Variants in C4orf51 observed in about 807,000 individuals in gnomAD.
The protein encoded by C4orf51 is uncharacterized protein C4orf51.
A neutral mutation model predicts 25.2 loss-of-function variants in C4orf51; 25 were observed. The ratio of observed to expected loss-of-function variants is 0.99; its 90% CI spans 0.72 to 1.39. The LOEUF is 1.39. Ranked by LOEUF, C4orf51 falls within the 40% of genes most tolerant of loss-of-function variation. C4orf51 has a pLI of 0.00. For missense variants in C4orf51, 252 were observed against 239.6 expected (o/e 1.05, Z -0.34); for synonymous variants, 100 against 84.5 (o/e 1.18, Z -1.01).
At chr4:145,693,130 T>C (rs1048298525) in intron 1 of C4orf51, among the ~76,000 whole-genome samples, 2 of 147,372 alleles carry the variant, frequency 1.4e-5, no homozygotes, top group Admixed American at 1.4e-4. Context: ...GGTCAGCAGA[T>C]AAACAAGTGA....
chr4:145,694,947 C>T (rs987711969), intron 1 of C4orf51, among the ~76,000 whole-genome samples: 2 of 152,114 alleles, frequency 1.3e-5, no homozygotes, highest in Admixed American at 6.5e-5. Context: ...AGAGAACAAA[C>T]AAATCACTAA....
chr4:145,743,638 A>T (rs960531277), intron 1 of C4orf51, among the ~76,000 whole-genome samples: 2 of 152,218 alleles, frequency 1.3e-5, no homozygotes, highest in African/African-American at 4.8e-5. Context: ...ATCTTCCTAA[A>T]ATGCAGATCT....
At chr4:145,698,463 A>G (rs1730214699) in intron 2 of C4orf51, among the ~76,000 whole-genome samples, 1 of 152,222 alleles carries the variant, frequency 6.6e-6, no homozygotes, top group African/African-American at 2.4e-5. Flanking sequence ...CTGATTAGCA[A>G]TTGGTTGAAA....
At chr4:145,740,113 G>T (rs1298561516) in intron 1 of C4orf51, among the ~76,000 whole-genome samples, 2 of 152,080 alleles carry the variant, frequency 1.3e-5, no homozygotes, top group Non-Finnish European at 2.9e-5. Context: ...GCATTTCTTA[G>T]AGTTGCCATC....
At chr4:145,779,297 A>G in the C4orf51 span, 1 of 1,531,806 alleles carries the variant, frequency 6.5e-7, no homozygotes, top group Admixed American at 2.1e-5. Context: ...CCTCTCTTAG[A>G]GAAACTCAGT....
At chr4:145,789,731 T>G in the C4orf51 span, among the ~76,000 whole-genome samples, 1 of 152,220 alleles carries the variant, frequency 6.6e-6, no homozygotes, top group Non-Finnish European at 1.5e-5. Context: ...TGGTTCTAAT[T>G]TATTTCACCA....
At chr4:145,775,046 C>T (rs1232377910), downstream of C4orf51, among the ~76,000 whole-genome samples, 1 of 152,166 alleles carries the variant, frequency 6.6e-6, no homozygotes, top group African/African-American at 2.4e-5. Context: ...CACTGATAAA[C>T]TCGGAGAGCA....
intron 1 of C4orf51, among the ~76,000 whole-genome samples, chr4:145,693,840 GC>G (rs1729800812): frequency 1.1e-5 from 1 of 94,414 alleles, no homozygotes; most frequent in African/African-American, 4.6e-5. Flanking sequence ...GGGCGGGGGG[GC>G]TGACCCCCCC....
chr4:145,704,920 G>A (rs1273051812), intron 2 of C4orf51, among the ~76,000 whole-genome samples: 1 of 152,202 alleles, frequency 6.6e-6, no homozygotes, highest in East Asian at 1.9e-4. Context: ...GATTACCTTG[G>A]AAGAGGCTAA....
chr4:145,697,357 C>T (rs1477834859), intron 2 of C4orf51, among the ~76,000 whole-genome samples: 3 of 152,070 alleles, frequency 2.0e-5, no homozygotes, highest in Admixed American at 2.0e-4. Flanking sequence ...CTTGGCCTCC[C>T]GGAGTTCTGG....
chr4:145,729,210 T>C lies in C4orf51; in HGVS notation c.408T>C (p.Pro136=), dbSNP rs1193032138. ...IWDFGDCFPT[P]PNYGKYCVRP... ...ATTTTGGTGATTGTTTTCCGACACC[T>C]CCAAATTATGGAAAATACTGTAAGT... Residue 136 remains proline (P), a synonymous_variant, in exon 4 of 6, where the codon CCT becomes CCC. Coordinates refer to ENST00000438731, the MANE Select transcript of C4orf51 (RefSeq NM_001080531.3). 2 of 1,607,224 alleles carry C rather than the reference T, an allele frequency of 1.2e-6. No individual in the cohort carries two copies. Among genetic ancestry groups the C allele is most frequent in the Non-Finnish European group, 1.7e-6 (2 of 1,175,376 alleles).
intron 1 of C4orf51, among the ~76,000 whole-genome samples, chr4:145,683,279 T>C (rs574398903): frequency 1.3e-5 from 2 of 152,316 alleles, no homozygotes; most frequent in South Asian, 4.1e-4. Context: ...GAGAGATTTT[T>C]CCATGTCCAT....
chr4:145,771,953 T>C (rs1736351850), downstream of C4orf51, among the ~76,000 whole-genome samples: 1 of 152,182 alleles, frequency 6.6e-6, no homozygotes, highest in Admixed American at 6.5e-5. Context: ...TCTGAAAATA[T>C]AGGGAACAGA....
the C4orf51 span, among the ~76,000 whole-genome samples, chr4:145,777,209 C>A: frequency 6.6e-6 from 1 of 152,216 alleles, no homozygotes; most frequent in Non-Finnish European, 1.5e-5. Flanking sequence ...AGGAGCCCCA[C>A]TGTCCAGATA....
intron 2 of C4orf51, 58 bp from the exon 3 acceptor site, chr4:145,726,853 A>G (rs1166318429): frequency 1.4e-6 from 2 of 1,420,792 alleles, no homozygotes; most frequent in East Asian, 4.6e-5. Context: ...TGGAAGTGTA[A>G]GGAATTTTAT....
intron 2 of C4orf51, among the ~76,000 whole-genome samples, chr4:145,707,066 C>T (rs1038307438): frequency 6.6e-6 from 1 of 152,126 alleles, no homozygotes; most frequent in African/African-American, 2.4e-5. Flanking sequence ...TCCGGCCCAC[C>T]TCGGCCTCCC....
chr4:145,780,686 G>A, the C4orf51 span, among the ~76,000 whole-genome samples: 1 of 152,334 alleles, frequency 6.6e-6, no homozygotes, highest in East Asian at 1.9e-4. Context: ...ACCAGAAAGA[G>A]AGAAGGAGAC....
chr4:145,781,265 G>T, the C4orf51 span, among the ~76,000 whole-genome samples: 1 of 131,542 alleles, frequency 7.6e-6, no homozygotes, highest in South Asian at 2.4e-4. Context: ...ACATGGGTCA[G>T]AGATAACATC....
Position 145,763,173 on chromosome 4 carries a change from A to C in C4orf51, n.167-7815A>C. On this transcript the variant is annotated intron_variant and non_coding_transcript_variant, in intron 1 of 1. Transcript: ENST00000510096. The surrounding 1 kb of genome is among the most constrained non-coding windows in gnomAD (Gnocchi z 4.6). ...TAATCTTATTTGATCTGCATTATGA[A>C]CAGGATATAGAGTACAAGCAGTTCC... 1 of 1,523,612 alleles carries C rather than the reference A, an allele frequency of 6.6e-7. No homozygotes were observed. The highest frequency in any genetic ancestry group is 2.0e-5 in the Admixed American group (1 of 50,856). 94.4% of individuals were successfully genotyped at this position (1,523,612 alleles called of 1,614,324 possible).
Sources: gnomAD v4.1 joint callset for allele counts (sites outside exome capture counted in the v4.1 genomes callset) on GRCh38, gnomAD v4.1.1 for gene constraint, Gnocchi (gnomAD v3.1) non-coding constraint, MANE v1.5 for transcripts, NCBI Gene and HGNC (gene_info 2026-07-23, HGNC 2026-07-21) for gene names.